Variants in RAD51B observed in about 807,000 individuals in gnomAD.
The protein encoded by RAD51B is RAD51 paralog B.
A neutral mutation model predicts 42.2 loss-of-function variants in RAD51B; 38 were observed. The ratio of observed to expected loss-of-function variants is 0.90; its 90% confidence interval spans 0.70 to 1.18. RAD51B has a LOEUF of 1.18. Ranked by LOEUF, RAD51B falls within the 50% of genes most tolerant of loss-of-function variation. RAD51B has a pLI of 0.00. For missense variants in RAD51B, 373 were observed against 400.7 expected (o/e 0.93, Z 0.59); for synonymous variants, 154 against 145.2 (o/e 1.06, Z -0.43).
intron 8 of RAD51B, among the ~76,000 whole-genome samples, chr14:68,404,201 A>G (rs1400841673): frequency 2.0e-5 from 3 of 152,240 alleles, no homozygotes; most frequent in African/African-American, 7.2e-5. Context: ...TTGTATTTGC[A>G]TTGGAATTAA....
chr14:68,153,326 A>G (rs1053605583), intron 7 of RAD51B, among the ~76,000 whole-genome samples: 5 of 152,312 alleles, frequency 3.3e-5, no homozygotes, highest in Admixed American at 3.3e-4. Flanking sequence ...TGAATTATCC[A>G]GTGGTTATCC....
At chr14:68,500,974 TG>T (rs1229130898) in intron 10 of RAD51B, among the ~76,000 whole-genome samples, 2 of 152,144 alleles carry the variant, frequency 1.3e-5, no homozygotes, top group African/African-American at 4.8e-5. Flanking sequence ...TAAACCCAGG[TG>T]GGCTCTGACT....
At chr14:68,133,869 G>A (rs1412544843) in intron 7 of RAD51B, among the ~76,000 whole-genome samples, 1 of 152,034 alleles carries the variant, frequency 6.6e-6, no homozygotes, top group Non-Finnish European at 1.5e-5. Flanking sequence ...GAAATGTACA[G>A]CGAGGTCATA....
intron 9 of RAD51B, among the ~76,000 whole-genome samples, chr14:68,454,935 T>C (rs2085648160): frequency 6.6e-6 from 1 of 152,200 alleles, no homozygotes; most frequent in African/African-American, 2.4e-5. Context: ...TCCAGGGCTT[T>C]GTAAGAGCTG....
At chr14:68,069,384 A>G (rs2076704856) in intron 7 of RAD51B, among the ~76,000 whole-genome samples, 1 of 152,118 alleles carries the variant, frequency 6.6e-6, no homozygotes, top group African/African-American at 2.4e-5. Flanking sequence ...GTGTCACCTG[A>G]GTAATCAGCA....
At chr14:68,410,353 A>T (rs901899433) in intron 8 of RAD51B, among the ~76,000 whole-genome samples, 12 of 152,218 alleles carry the variant, frequency 7.9e-5, no homozygotes, top group African/African-American at 2.7e-4. Flanking sequence ...TACAAATCAG[A>T]TGATGTAGTA....
At chr14:67,947,350 T>C (rs547086812) in intron 7 of RAD51B, among the ~76,000 whole-genome samples, 1 of 152,314 alleles carries the variant, frequency 6.6e-6, no homozygotes, top group East Asian at 1.9e-4. Flanking sequence ...ATTCATGGAT[T>C]GATGGCAATA....
intron 7 of RAD51B, among the ~76,000 whole-genome samples, chr14:68,289,457 G>A (rs3932486): frequency 0.018 from 2,723 of 152,282 alleles, 69 homozygotes; most frequent in African/African-American, 0.061. Context: ...GCTCATGCCT[G>A]TAATCCCAGC....
chr14:68,249,743 A>G (rs1361438261), intron 7 of RAD51B, among the ~76,000 whole-genome samples: 2 of 152,234 alleles, frequency 1.3e-5, no homozygotes, highest in Non-Finnish European at 2.9e-5. Context: ...ATGAAAGGGC[A>G]TTGTTGAAAT....
intron 10 of RAD51B, among the ~76,000 whole-genome samples, chr14:68,592,772 G>C (rs1890812304): frequency 6.6e-6 from 1 of 152,240 alleles, no homozygotes; most frequent in Non-Finnish European, 1.5e-5. Flanking sequence ...GGAAACTGAG[G>C]CACAGAGCAT....
chr14:68,408,667 A>G (rs2084342188), intron 8 of RAD51B, among the ~76,000 whole-genome samples: 1 of 152,238 alleles, frequency 6.6e-6, no homozygotes, highest in African/African-American at 2.4e-5. Flanking sequence ...CTTAAAAAGC[A>G]TTGATTTCTG....
chr14:68,415,596 T>C (rs573221642), intron 9 of RAD51B, among the ~76,000 whole-genome samples: 3 of 152,174 alleles, frequency 2.0e-5, no homozygotes, highest in East Asian at 3.9e-4. Context: ...CTAGAGGAGA[T>C]GGGGGGTCCT....
At chr14:68,318,169 T>C (rs1264964386) in intron 8 of RAD51B, among the ~76,000 whole-genome samples, 1 of 152,206 alleles carries the variant, frequency 6.6e-6, no homozygotes, top group East Asian at 1.9e-4. Flanking sequence ...TAAAAAACGT[T>C]TTTGACCAGC....
At chr14:68,529,217 G>A (rs1346338971) in intron 10 of RAD51B, among the ~76,000 whole-genome samples, 1 of 152,120 alleles carries the variant, frequency 6.6e-6, no homozygotes, top group Non-Finnish European at 1.5e-5. Context: ...TTGTTTTTGA[G>A]ACAGGATCTC....
downstream of RAD51B, among the ~76,000 whole-genome samples, chr14:68,596,793 A>G (rs1164004610): frequency 6.6e-6 from 1 of 152,226 alleles, no homozygotes; most frequent in Non-Finnish European, 1.5e-5. Context: ...CATCGTAAGG[A>G]AACAGCACTG....
chr14:68,592,699 G>T (rs1890808956), intron 10 of RAD51B, among the ~76,000 whole-genome samples: 1 of 152,220 alleles, frequency 6.6e-6, no homozygotes. Context: ...CAGACACATA[G>T]ATTCACTTAA....
At chr14:68,650,302 C>G (rs1294608870) in intron 10 of RAD51B, among the ~76,000 whole-genome samples, 1 of 151,602 alleles carries the variant, frequency 6.6e-6, no homozygotes, top group Non-Finnish European at 1.5e-5. Context: ...CTTAATCCTA[C>G]ATGTGACTCT....
At chr14:68,385,652 GTC>G (rs1195764011) in intron 8 of RAD51B, among the ~76,000 whole-genome samples, 1 of 152,138 alleles carries the variant, frequency 6.6e-6, no homozygotes, top group Non-Finnish European at 1.5e-5. Flanking sequence ...AATCATCATT[GTC>G]TCTGCTGGTG....
At position 67,892,492 on chromosome 14, in the gene RAD51B, T is replaced by C. The variant is rs922022401; in HGVS notation, c.756+5288T>C. On this transcript the variant is annotated intron_variant, in intron 7 of 10. Coordinates refer to ENST00000471583, the MANE Select transcript of RAD51B (RefSeq NM_133510.4). ...GATTCATAGGTTATGCAGGCAAGGG[T>C]TAATTCAGCTAGCATGGGTTACTCA... 4.6e-5 allele frequency among the ~76,000 whole-genome samples: 7 copies of C among 152,136 alleles called. No individual in the cohort carries two copies. In the South Asian group the frequency reaches 1.2e-3, roughly 27 times the overall value.
Sources: gnomAD v4.1 joint callset for allele counts (sites outside exome capture counted in the v4.1 genomes callset) on GRCh38, gnomAD v4.1.1 for gene constraint, MANE v1.5 for transcripts, NCBI Gene and HGNC (gene_info 2026-07-23, HGNC 2026-07-21) for gene names.